Variants in ACSL1 observed in about 807,000 individuals in gnomAD.
The protein encoded by ACSL1 is long-chain-fatty-acid--CoA ligase 1.
ACSL1 carries 41 observed loss-of-function variants against 98.4 expected under a neutral mutation model. That is an observed-to-expected ratio of 0.42 (90% CI 0.32 to 0.54). The LOEUF (loss-of-function observed/expected upper bound fraction) is 0.54, where lower values mean the gene tolerates loss of function less well. Ranked by LOEUF, ACSL1 falls within the 20% of genes least tolerant of loss-of-function variation. The pLI is 0.13. For synonymous variants in ACSL1, 316 were observed against 322.7 expected (o/e 0.98, Z 0.22); for missense variants, 734 against 883.1 (o/e 0.83, Z 2.14).
intron 11 of ACSL1, 171 bp downstream of exon 11, chr4:184,770,228 G>A: frequency 3.9e-6 from 6 of 1,531,642 alleles, no homozygotes; most frequent in Non-Finnish European, 5.3e-6. Flanking sequence ...TTCTCTATAG[G>A]GATGACAGTC....
In ACSL1 at chr4:184,783,952, G is replaced by T. The variant is rs1311507080; in HGVS notation, c.350C>A (p.Pro117His). Residue 117 changes from proline to histidine, a missense_variant, in exon 4 of 21, where the codon CCC (proline) becomes CAC (histidine). Physicochemically the swap from Pro to His is moderately conservative, Grantham distance 77. Transcript: ENST00000281455. ...PCLGSRKPDQ[P>H]YEWLSYKQVA... The stretch of plus-strand genomic sequence containing the variant: ...CTGTTTATATGAAAGCCATTCATAG[G>T]GTTGGTCTGGTTTCCGAGAGCCTAA... 4 of 1,613,772 alleles carry T rather than the reference G, an allele frequency of 2.5e-6. No individual in the cohort carries two copies. In the African/African-American group the frequency reaches 5.3e-5, roughly 22 times the overall value.
Position 184,766,577 on chromosome 4 carries a change from C to T in ACSL1, c.1263+45G>A, listed in dbSNP as rs745960555. On this transcript the variant is annotated intron_variant, in intron 13 of 20. Coordinates refer to ENST00000281455, the MANE Select transcript of ACSL1 (RefSeq NM_001995.5). The surrounding 1 kb of genome is among the most constrained non-coding windows in gnomAD (Gnocchi z 4.8). ...AAGGCCCTCCCAGAACTCTGAAAAG[C>T]GAAGTCGGTTTCCATGGGAGCAGTG... The T allele has an allele frequency of 1.7e-5, 27 of 1,589,828 alleles. No homozygotes were observed. The East Asian group carries it at 2.0e-4, about 12-fold the overall frequency.
At position 184,803,619 on chromosome 4, in the gene ACSL1, G is replaced by A. The variant is rs1187085634; in HGVS notation, c.-32-73C>T. On this transcript the variant is annotated intron_variant, in intron 1 of 20. Coordinates refer to ENST00000281455, the MANE Select transcript of ACSL1 (RefSeq NM_001995.5). The surrounding 1 kb of genome is among the most constrained non-coding windows in gnomAD (Gnocchi z 4.8). The stretch of plus-strand genomic sequence containing the variant: ...CTCTCCAGAACTCCAAAATTCCACC[G>A]GCCAGCCATCTAATTGGGTAGCTGC... 1.8e-6 allele frequency: 2 copies of A among 1,104,916 alleles called. No homozygotes were observed. Among genetic ancestry groups the A allele is most frequent in the East Asian group, 3.0e-5 (1 of 33,748 alleles). 68.4% of individuals were successfully genotyped at this position (1,104,916 alleles called of 1,614,324 possible).
intron 16 of ACSL1, among the ~76,000 whole-genome samples, 197 bp downstream of exon 16, chr4:184,762,970 A>C (rs1319472396): frequency 6.6e-6 from 1 of 152,234 alleles, no homozygotes; most frequent in Admixed American, 6.5e-5. Flanking sequence ...GAAGACAGGC[A>C]TCAGTGTCCC....
chr4:184,796,157 C>T (rs993947310), intron 2 of ACSL1, among the ~76,000 whole-genome samples: 6 of 152,190 alleles, frequency 3.9e-5, no homozygotes, highest in East Asian at 1.9e-4. Flanking sequence ...TTTGAAAAGA[C>T]TAGACTGGCT....
chr4:184,803,422 C>T lies in ACSL1; in HGVS notation c.93G>A (p.Met31Ile). Residue 31 changes from methionine to isoleucine, a missense_variant, in exon 2 of 21, where the codon ATG (methionine) becomes ATA (isoleucine). Met to Ile is a conservative substitution (Grantham distance 10, BLOSUM62 1). Coordinates refer to ENST00000281455, the MANE Select transcript of ACSL1 (RefSeq NM_001995.5). This position sits in a 1 kb window ranked among gnomAD's most constrained non-coding sequence, Gnocchi z 4.8. ...TGAGTGCTGCAAAAGCTCCGAAGCCCATAAGCGTGTTGGTCGGAAGAGTAC... is the reference window on the plus strand; with the variant it reads ...TGAGTGCTGCAAAAGCTCCGAAGCCTATAAGCGTGTTGGTCGGAAGAGTAC... ...YVRTLPTNTL[M>I]GFGAFAALTT... 1 of 1,614,040 alleles carries T rather than the reference C, an allele frequency of 6.2e-7. No homozygotes were observed. Among genetic ancestry groups the T allele is most frequent in the South Asian group, 1.1e-5 (1 of 91,060 alleles).
In ACSL1 at chr4:184,776,954, A is replaced by G; in HGVS notation, c.507T>C (p.Ala169=). Residue 169 remains alanine, a synonymous_variant, in exon 6 of 21, where the codon GCT becomes GCC. Coordinates refer to ENST00000281455, the MANE Select transcript of ACSL1 (RefSeq NM_001995.5). ...EWVIIEQGCF[A]YSMVIVPLYD... ...AAAGTGGAACGATCACCATCGAATA[A>G]GCAAAGCATCCTTGTTCAATAATCA... is the stretch of plus-strand genomic sequence containing the variant. The G allele has an allele frequency of 1.9e-6, 3 of 1,614,208 alleles. No individual in the cohort carries two copies. Among genetic ancestry groups the G allele is most frequent in the Non-Finnish European group, 2.5e-6 (3 of 1,180,034 alleles).
intron 1 of ACSL1, chr4:184,815,162 C>T (rs1196231781): frequency 4.4e-5 from 20 of 453,974 alleles, no homozygotes; most frequent in South Asian, 1.7e-4. Flanking sequence ...ACCAGGCATC[C>T]GAGGGAGGGC....
Position 184,756,078 on chromosome 4 carries a change from T to C in ACSL1, c.*1047A>G, listed in dbSNP as rs1168738038. 1 of 152,284 alleles carries C rather than the reference T, an allele frequency of 6.6e-6. No individual in the cohort carries two copies. Among genetic ancestry groups the C allele is most frequent in the African/African-American group, 2.4e-5 (1 of 41,454 alleles). 9.4% of individuals were successfully genotyped at this position (152,284 alleles called of 1,614,324 possible). A position where few individuals can be genotyped will look rare whatever the true frequency, so the allele number is the denominator to read the frequency against. ...AAGAACATTTGCTTATTACTGTCCATTTCAATAAGTACTCAAGTATATACT... is the reference window on the plus strand; with the variant it reads ...AAGAACATTTGCTTATTACTGTCCACTTCAATAAGTACTCAAGTATATACT... On this transcript the variant is annotated 3_prime_UTR_variant, in exon 21 of 21. Coordinates refer to ENST00000281455, the MANE Select transcript of ACSL1 (RefSeq NM_001995.5).
chr4:184,820,628 A>G (rs1561252273), intron 1 of ACSL1, among the ~76,000 whole-genome samples: 1 of 152,030 alleles, frequency 6.6e-6, no homozygotes. Context: ...TTTTGGAGAC[A>G]GAGTCTCACT....
chr4:184,762,887 G>A (rs922670387), intron 16 of ACSL1, among the ~76,000 whole-genome samples: 1 of 152,166 alleles, frequency 6.6e-6, no homozygotes, highest in African/African-American at 2.4e-5. Flanking sequence ...CAGGACCTTC[G>A]TCCCAGGAAC....
chr4:184,820,985 G>A lies in ACSL1; in HGVS notation c.-33+4931C>T, dbSNP rs574799270. On this transcript the variant is annotated intron_variant, in intron 1 of 20. Coordinates refer to ENST00000281455, the MANE Select transcript of ACSL1 (RefSeq NM_001995.5). The stretch of plus-strand genomic sequence containing the variant: ...CAGACCCTGAAGCCAGACTGCCTAG[G>A]TTCAAATTCTGGTATGGGGAACTTA... 52 of 455,846 alleles carry A rather than the reference G, an allele frequency of 1.1e-4. No individual in the cohort carries two copies. The Middle Eastern group carries it at 1.3e-3, about 11-fold the overall frequency. The allele number at this position is 455,846 out of a possible 1,614,324, so 28.2% of individuals were successfully genotyped here.
intron 1 of ACSL1, chr4:184,820,929 G>A (rs553583166): frequency 2.3e-6 from 1 of 429,430 alleles, no homozygotes; most frequent in African/African-American, 2.0e-5. Context: ...TCTAGCTCTG[G>A]AGGGGCAGTA....
At chr4:184,819,198 A>G (rs538974846) in intron 1 of ACSL1, among the ~76,000 whole-genome samples, 2 of 149,452 alleles carry the variant, frequency 1.3e-5, no homozygotes, top group South Asian at 4.2e-4. Flanking sequence ...GCTGGAGTGC[A>G]ATGGCACGAT....
intron 1 of ACSL1, among the ~76,000 whole-genome samples, chr4:184,816,172 G>A (rs910761958): frequency 6.6e-6 from 1 of 152,012 alleles, no homozygotes; most frequent in Non-Finnish European, 1.5e-5. Context: ...CACAGGCTAT[G>A]AGGTTCCCCA....
Position 184,798,068 on chromosome 4 carries a change from G to A in ACSL1, c.195+5252C>T, listed in dbSNP as rs780604561. On this transcript the variant is annotated intron_variant, in intron 2 of 20. Transcript: ENST00000281455. ...CATGTGACCTGGAGGTCAAGAGATC[G>A]TTTGGTGTGGAATTTAGTCATCCAA... 1.6e-3 allele frequency among the ~76,000 whole-genome samples: 236 copies of A among 152,212 alleles called. 1 individual carries two copies. Among genetic ancestry groups the A allele is most frequent in the Non-Finnish European group, 3.0e-3 (203 of 68,034 alleles).
chr4:184,769,070 AATATATATAT>A (rs34360556), intron 11 of ACSL1, among the ~76,000 whole-genome samples: 1 of 147,644 alleles, frequency 6.8e-6, no homozygotes, highest in Non-Finnish European at 1.5e-5. Context: ...CTCTGTCTCA[AATATATATAT>A]ATATATATAT....
At position 184,757,480 on chromosome 4, in the gene ACSL1, T is replaced by C. The variant is rs569746498; in HGVS notation, c.1956+155A>G. Among the ~76,000 whole-genome samples, 2 of 152,324 alleles carry C rather than the reference T, an allele frequency of 1.3e-5. No homozygotes were observed. The highest frequency in any genetic ancestry group is 1.9e-4 in the East Asian group (1 of 5,188). ...ATCCAGGAAAAGAGAATAAATGCTTTTGATTTAAAAACCTTTCCCCTGTCA... is the reference window on the plus strand; with the variant it reads ...ATCCAGGAAAAGAGAATAAATGCTTCTGATTTAAAAACCTTTCCCCTGTCA... On this transcript the variant is annotated intron_variant, in intron 20 of 20. Coordinates refer to ENST00000281455, the MANE Select transcript of ACSL1 (RefSeq NM_001995.5). This position sits in a 1 kb window ranked among gnomAD's most constrained non-coding sequence, Gnocchi z 4.5.
At chr4:184,796,766 T>C (rs553357414) in intron 2 of ACSL1, among the ~76,000 whole-genome samples, 1 of 152,224 alleles carries the variant, frequency 6.6e-6, no homozygotes, top group Non-Finnish European at 1.5e-5. Context: ...TGATTTCTGT[T>C]CCAAAGCTTC....
Sources: gnomAD v4.1 joint callset for allele counts (sites outside exome capture counted in the v4.1 genomes callset) on GRCh38, gnomAD v4.1.1 for gene constraint, Gnocchi (gnomAD v3.1) non-coding constraint, MANE v1.5 for transcripts, NCBI Gene and HGNC (gene_info 2026-07-23, HGNC 2026-07-21) for gene names.